The following UPP2 variants were observed in gnomAD, a reference collection of about 807,000 sequenced individuals.
UPP2 encodes the protein UPase 2.
UPP2 carries 23 observed loss-of-function variants against 26.7 expected under a neutral mutation model. The ratio of observed to expected loss-of-function variants is 0.86; its 90% CI spans 0.62 to 1.22. The LOEUF (loss-of-function observed/expected upper bound fraction) is 1.22, where lower values mean the gene tolerates loss of function less well. Among genes scored for constraint, UPP2 ranks in the 50% most tolerant of loss-of-function variants. UPP2 has a pLI of 0.00. For missense variants in UPP2, 387 were observed against 396.7 expected, an observed-to-expected ratio of 0.98 and a Z score of 0.21; for synonymous variants, 127 against 141.3, an observed-to-expected ratio of 0.90 and a Z score of 0.72.
At chr2:158,047,501 C>T (rs540735317) in intron 3 of UPP2, among the ~76,000 whole-genome samples, 36 of 152,310 alleles carry the variant, frequency 2.4e-4, no homozygotes, top group African/African-American at 8.7e-4. Context: ...CCGGTTTAAA[C>T]CCGGGCATTG....
chr2:158,012,234 G>T (rs186688250), intron 2 of UPP2, among the ~76,000 whole-genome samples: 2 of 145,072 alleles, frequency 1.4e-5, no homozygotes, highest in Non-Finnish European at 3.0e-5. Context: ...AGTTTCAAAG[G>T]TTCAATAATC....
intron 3 of UPP2, among the ~76,000 whole-genome samples, chr2:158,085,669 A>T (rs1186131583): frequency 1.3e-5 from 2 of 152,220 alleles, no homozygotes; most frequent in South Asian, 2.1e-4. Flanking sequence ...ACATTGAGGT[A>T]TATCCCTTGT....
chr2:158,129,979 G>A (rs1033127444), intron 6 of UPP2, among the ~76,000 whole-genome samples: 1 of 151,924 alleles, frequency 6.6e-6, no homozygotes, highest in Admixed American at 6.6e-5. Context: ...TTGCAAAGTC[G>A]AGGTCTCACT....
intron 3 of UPP2, among the ~76,000 whole-genome samples, chr2:158,074,202 GA>G (rs1398917725): frequency 6.6e-6 from 1 of 151,968 alleles, no homozygotes; most frequent in African/African-American, 2.4e-5. Context: ...AATCCAAACA[GA>G]AAAGAAAGAA....
At chr2:158,091,807 G>C (rs1452422547) in intron 3 of UPP2, among the ~76,000 whole-genome samples, 4 of 152,212 alleles carry the variant, frequency 2.6e-5, no homozygotes. Flanking sequence ...CAATGGGGAA[G>C]TGCAAAGGCA....
intron 3 of UPP2, among the ~76,000 whole-genome samples, chr2:158,052,219 A>G (rs1682171067): frequency 1.3e-5 from 2 of 152,198 alleles, no homozygotes; most frequent in South Asian, 4.1e-4. Flanking sequence ...GGAACATGTC[A>G]CCTGAAGGAA....
intron 3 of UPP2, among the ~76,000 whole-genome samples, chr2:158,089,585 T>A (rs778057012): frequency 9.2e-5 from 14 of 152,218 alleles, no homozygotes; most frequent in Non-Finnish European, 1.5e-4. Context: ...TCTGGTCATT[T>A]CCCAGTTCCT....
intron 3 of UPP2, among the ~76,000 whole-genome samples, chr2:158,019,280 G>GT (rs1683709296): frequency 6.6e-6 from 1 of 152,130 alleles, no homozygotes; most frequent in Non-Finnish European, 1.5e-5. Context: ...TCCACAGAAG[G>GT]TAAAAAAGAG....
intron 3 of UPP2, among the ~76,000 whole-genome samples, chr2:158,069,660 C>G (rs1682506632): frequency 6.6e-6 from 1 of 152,192 alleles, no homozygotes; most frequent in African/African-American, 2.4e-5. Context: ...CCCTGACACC[C>G]TAGAGCGAGG....
intron 3 of UPP2, among the ~76,000 whole-genome samples, chr2:158,053,810 G>A (rs1443861826): frequency 1.3e-5 from 2 of 152,118 alleles, no homozygotes; most frequent in Non-Finnish European, 2.9e-5. Flanking sequence ...ATTCAAATGT[G>A]GAGAATGGGG....
chr2:158,134,098 G>T (rs993268379), intron 6 of UPP2: 1 of 152,006 alleles, frequency 6.6e-6, no homozygotes, highest in Non-Finnish European at 1.5e-5. Context: ...TTTCCTATAA[G>T]ATTTCATTCT....
chr2:158,115,773 G>A (rs1174830835), intron 3 of UPP2, among the ~76,000 whole-genome samples: 1 of 152,214 alleles, frequency 6.6e-6, no homozygotes, highest in Non-Finnish European at 1.5e-5. Context: ...AAATGAAAGG[G>A]GAATGATTTG....
intron 3 of UPP2, among the ~76,000 whole-genome samples, chr2:158,089,210 A>T (rs1682866573): frequency 6.6e-6 from 1 of 152,112 alleles, no homozygotes; most frequent in East Asian, 1.9e-4. Context: ...TTACGTTCCC[A>T]GGGGGATTAT....
intron 3 of UPP2, among the ~76,000 whole-genome samples, chr2:158,043,573 C>A (rs1422373052): frequency 6.6e-6 from 1 of 152,160 alleles, no homozygotes; most frequent in Non-Finnish European, 1.5e-5. Context: ...GAATAAGCCT[C>A]AAATGTAAAG....
chr2:158,054,622 T>C (rs558407888), intron 3 of UPP2, among the ~76,000 whole-genome samples: 6 of 152,270 alleles, frequency 3.9e-5, no homozygotes, highest in African/African-American at 1.2e-4. Flanking sequence ...ATCTGGTGTG[T>C]ACTAAGGGCT....
intron 3 of UPP2, among the ~76,000 whole-genome samples, chr2:158,057,357 T>C (rs1157725884): frequency 6.6e-6 from 1 of 152,232 alleles, no homozygotes; most frequent in African/African-American, 2.4e-5. Context: ...AATTCATCTG[T>C]GTGGAAGATT....
At chr2:158,077,512 C>T (rs567363615) in intron 3 of UPP2, among the ~76,000 whole-genome samples, 7 of 152,064 alleles carry the variant, frequency 4.6e-5, no homozygotes, top group South Asian at 2.1e-4. Flanking sequence ...AACTCATTTT[C>T]GACAAAGGTG....
chr2:158,132,228 G>C (rs972753094), intron 6 of UPP2, among the ~76,000 whole-genome samples: 3 of 152,246 alleles, frequency 2.0e-5, no homozygotes, highest in African/African-American at 7.2e-5. Flanking sequence ...CGCAGCTCAA[G>C]TTGAATATTT....
chr2:158,008,534 C>T (rs1196383712), intron 2 of UPP2, among the ~76,000 whole-genome samples: 1 of 152,142 alleles, frequency 6.6e-6, no homozygotes, highest in Non-Finnish European at 1.5e-5. Context: ...CAATAAAATA[C>T]TGTACTGGCA....
Sources: allele counts gnomAD v4.1 joint callset (sites outside exome capture counted in the v4.1 genomes callset), GRCh38; gene constraint gnomAD v4.1.1; transcripts MANE v1.5; gene names NCBI Gene and HGNC (gene_info 2026-07-23, HGNC 2026-07-21).